ITGB5: variants seen among roughly 807,000 people sequenced by gnomAD.
ITGB5 encodes integrin beta-5.
In ITGB5, 38 loss-of-function variants were observed where a neutral mutation model predicts 84.8. The ratio of observed to expected loss-of-function variants is 0.45; its 90% CI spans 0.35 to 0.59. The LOEUF (loss-of-function observed/expected upper bound fraction) is 0.59. Among genes scored for constraint, ITGB5 ranks in the 20% least tolerant of loss-of-function variants. ITGB5 has a pLI of 0.01. For synonymous variants in ITGB5, 393 were observed against 414.4 expected (o/e 0.95, Z 0.63); for missense variants, 905 against 1,034.5 (o/e 0.87, Z 1.72).
intron 9 of ITGB5, among the ~76,000 whole-genome samples, chr3:124,801,573 T>C (rs6799394): frequency 0.012 from 1,878 of 152,274 alleles, 30 homozygotes; most frequent in African/African-American, 0.043. Flanking sequence ...GGCCGTGTCC[T>C]TGTCCACAGG....
At chr3:124,813,664 A>C (rs983785039) in intron 8 of ITGB5, among the ~76,000 whole-genome samples, 2 of 152,224 alleles carry the variant, frequency 1.3e-5, no homozygotes, top group Non-Finnish European at 2.9e-5. Flanking sequence ...AAACAGGGCA[A>C]GGTGTGTGAG....
chr3:124,771,725 G>T (rs1431175981), intron 11 of ITGB5, among the ~76,000 whole-genome samples: 5 of 146,172 alleles, frequency 3.4e-5, no homozygotes, highest in Non-Finnish European at 7.4e-5. Flanking sequence ...TCCAGCCTGG[G>T]TGGCGGGAGT....
chr3:124,900,403 A>T (rs548842656), intron 1 of ITGB5, among the ~76,000 whole-genome samples: 56 of 152,304 alleles, frequency 3.7e-4, no homozygotes, highest in African/African-American at 1.3e-3. Flanking sequence ...ATAATATATG[A>T]AATATTATTG....
chr3:124,896,587 A>G (rs1034448415), intron 1 of ITGB5, among the ~76,000 whole-genome samples: 1 of 152,016 alleles, frequency 6.6e-6, no homozygotes, highest in East Asian at 1.9e-4. Flanking sequence ...AGCTCGTCTC[A>G]TGAAAAATTA....
intron 10 of ITGB5, chr3:124,793,223 A>G (rs796444169): frequency 3.9e-5 from 6 of 152,306 alleles, no homozygotes; most frequent in African/African-American, 1.4e-4. Context: ...TGCACACAGC[A>G]TCTGACTCAA....
chr3:124,787,519 G>C (rs2064098732), intron 10 of ITGB5: 1 of 152,190 alleles, frequency 6.6e-6, no homozygotes, highest in Non-Finnish European at 1.5e-5. Context: ...TAAAAATTTA[G>C]AAATTAATTC....
At chr3:124,877,745 G>A (rs1447730442) in intron 1 of ITGB5, among the ~76,000 whole-genome samples, 2 of 152,166 alleles carry the variant, frequency 1.3e-5, no homozygotes, top group Admixed American at 6.5e-5. Flanking sequence ...TAGGGCTGGT[G>A]TGACCTGCTG....
At chr3:124,876,669 G>C (rs1044248864) in intron 1 of ITGB5, among the ~76,000 whole-genome samples, 20 of 152,176 alleles carry the variant, frequency 1.3e-4, no homozygotes, top group Admixed American at 2.0e-4. Flanking sequence ...GAACCCACAG[G>C]GGGTGAGAAC....
intron 2 of ITGB5, among the ~76,000 whole-genome samples, chr3:124,866,005 T>C (rs931100404): frequency 3.3e-5 from 5 of 152,026 alleles, no homozygotes; most frequent in African/African-American, 7.2e-5. Flanking sequence ...ATTTTGTTTG[T>C]TTGTTTTTGA....
intron 7 of ITGB5, among the ~76,000 whole-genome samples, chr3:124,818,400 A>G (rs1159607419): frequency 6.6e-6 from 1 of 151,932 alleles, no homozygotes; most frequent in African/African-American, 2.4e-5. Flanking sequence ...AGGATGCTTA[A>G]GCCAGTATGG....
At chr3:124,798,834 G>T (rs192163909) in intron 9 of ITGB5, among the ~76,000 whole-genome samples, 54 of 152,352 alleles carry the variant, frequency 3.5e-4, no homozygotes, top group African/African-American at 1.2e-3. Flanking sequence ...CAGATGCTGT[G>T]ACATCTAGGG....
Position 124,793,920 on chromosome 3 carries a change from C to A in ITGB5, c.1693+2468G>T, listed in dbSNP as rs529558379. On this transcript the variant is annotated intron_variant, in intron 10 of 14. Coordinates refer to ENST00000296181, the MANE Select transcript of ITGB5 (RefSeq NM_002213.5). ...CCCACGACGCCCATGGGTGTACTCA[C>A]GCTTGTGTCACGGCAAGGTCCGCTC... Among the ~76,000 whole-genome samples, 84 of 152,364 alleles carry A rather than the reference C, an allele frequency of 5.5e-4. 2 individuals are homozygous for A. In the South Asian group the frequency reaches 0.016, roughly 30 times the overall value.
intron 1 of ITGB5, among the ~76,000 whole-genome samples, chr3:124,897,256 GTTA>G (rs1022152766): frequency 6.6e-6 from 1 of 152,118 alleles, no homozygotes; most frequent in South Asian, 2.1e-4. Flanking sequence ...TGTTTTTGTT[GTTA>G]TTGTTGTTTT....
At position 124,821,325 on chromosome 3, in the gene ITGB5, T is replaced by G; in HGVS notation, c.930A>C (p.Ala310=). The G allele has an allele frequency of 6.2e-7, 1 of 1,613,446 alleles. No homozygotes were observed. The highest frequency in any genetic ancestry group is 8.5e-7 in the Non-Finnish European group (1 of 1,179,680). The stretch of plus-strand genomic sequence containing the variant: ...TCCCGGCACTCACCATCTGGTTGGA[T>G]GCAGTGTACTCGTTGGCCTCGTTCA... ...CHLNEANEYT[A]SNQMDYPSLA... is the part of the protein sequence containing the mutation. The change falls in exon 6 of 15, where the codon GCA becomes GCC. Residue 310 remains alanine, a synonymous_variant. Transcript: ENST00000296181.
intron 12 of ITGB5, among the ~76,000 whole-genome samples, chr3:124,767,337 T>C (rs2063781581): frequency 6.6e-6 from 1 of 152,208 alleles, no homozygotes; most frequent in African/African-American, 2.4e-5. Flanking sequence ...ACTTTCTGTC[T>C]CAGCTCCCTT....
chr3:124,864,096 CTTTTTTTTTTTTTTTT>C (rs558311822), intron 2 of ITGB5, among the ~76,000 whole-genome samples: 1 of 45,468 alleles, frequency 2.2e-5, no homozygotes, highest in African/African-American at 6.9e-5. Context: ...ACCTATATTT[CTTTTTTTTTTTTTTTT>C]TTTTTTTTTT....
At chr3:124,829,139 T>C (rs960916286) in intron 5 of ITGB5, among the ~76,000 whole-genome samples, 1 of 152,258 alleles carries the variant, frequency 6.6e-6, no homozygotes, top group African/African-American at 2.4e-5. Flanking sequence ...TTTATATTAA[T>C]AGAATTATGG....
chr3:124,859,425 T>G lies in ITGB5; in HGVS notation c.178A>C (p.Ile60Leu), dbSNP rs1467552035. 4 of 1,613,860 alleles carry G rather than the reference T, an allele frequency of 2.5e-6. No individual in the cohort carries two copies. The highest frequency in any genetic ancestry group is 3.4e-6 in the Non-Finnish European group (4 of 1,179,962). ...GCCCTCAGATCACACCGAGAGGTGA[T>G]GGACCGTGGGCTTCCGAAGTCCTAG... ...SKEDFGSPRS[I>L]TSRCDLRANL... The change falls in exon 3 of 15, where the codon ATC (isoleucine) becomes CTC (leucine). Residue 60 changes from isoleucine to leucine, a missense_variant. Around this residue, in one of 3 missense-constraint regions of ITGB5, gnomAD observed 656 missense variants for 734.7 expected, o/e 0.89. Coordinates refer to ENST00000296181, the MANE Select transcript of ITGB5 (RefSeq NM_002213.5).
chr3:124,869,909 T>C (rs1447214403), intron 2 of ITGB5, among the ~76,000 whole-genome samples: 1 of 152,210 alleles, frequency 6.6e-6, no homozygotes, highest in Non-Finnish European at 1.5e-5. Flanking sequence ...TTCTGGATTT[T>C]CTAGCCACAT....
Sources: gnomAD v4.1 joint callset for allele counts (sites outside exome capture counted in the v4.1 genomes callset) on GRCh38, gnomAD v4.1.1 for gene constraint, gnomAD v4.1.1 regional missense constraint, MANE v1.5 for transcripts, NCBI Gene and HGNC (gene_info 2026-07-23, HGNC 2026-07-21) for gene names.